Variants in CAMK1D observed in about 807,000 individuals in gnomAD.
CAMK1D encodes the protein calcium/calmodulin-dependent protein kinase type 1D.
CAMK1D carries 9 observed loss-of-function variants against 47.7 expected under a neutral mutation model. That is an observed-to-expected ratio of 0.19 (90% confidence interval 0.11 to 0.33). The LOEUF is 0.33. CAMK1D is among the 10% of genes least tolerant of loss of function. The pLI, the probability that CAMK1D is intolerant of heterozygous loss-of-function variation, is 1.00. For missense variants in CAMK1D, 291 were observed against 488.7 expected, an observed-to-expected ratio of 0.60 and a Z score of 3.81; for synonymous variants, 184 against 184.9, an observed-to-expected ratio of 0.99 and a Z score of 0.04.
chr10:12,694,109 A>T lies in CAMK1D; in HGVS notation c.299+27299A>T, dbSNP rs1310915748. Among the ~76,000 whole-genome samples the T allele has an allele frequency of 8.9e-5, 5 of 55,880 alleles. 1 individual carries two copies. In the South Asian group the frequency reaches 2.0e-3, roughly 22 times the overall value. The allele number at this position is 55,880 out of a possible 152,430, so 36.7% of individuals were successfully genotyped here. On this transcript the variant is annotated intron_variant, in intron 3 of 10. Coordinates refer to ENST00000619168, the MANE Select transcript of CAMK1D (RefSeq NM_153498.4). The stretch of plus-strand genomic sequence containing the variant: ...TATAATATATATTATATAATATATA[A>T]TATATATTATGCATAATATATATTA...
At chr10:12,383,261 A>ATT (rs555841097) in intron 1 of CAMK1D, among the ~76,000 whole-genome samples, 1,832 of 148,014 alleles carry the variant, frequency 0.012, 32 homozygotes, top group African/African-American at 0.034. Flanking sequence ...GATCTTTCCA[A>ATT]TTTTTTTTTT....
In CAMK1D at chr10:12,832,967, A is replaced by T. The variant is rs950701895; in HGVS notation, c.*4080A>T. ...CTAAAAATACAAAAATTAGCTGGGC[A>T]TGGTGGTGCGTGCCTGTAATCCCAG... is the stretch of plus-strand genomic sequence containing the variant. On this transcript the variant is annotated 3_prime_UTR_variant, in exon 11 of 11. Transcript: ENST00000619168. 2 of 152,266 alleles carry T rather than the reference A, an allele frequency of 1.3e-5. No individual in the cohort carries two copies. The highest frequency in any genetic ancestry group is 4.8e-5 in the African/African-American group (2 of 41,396). The allele number at this position is 152,266 out of a possible 1,614,324, so 9.4% of individuals were successfully genotyped here.
At chr10:12,793,388 T>A (rs1173148045) in intron 6 of CAMK1D, among the ~76,000 whole-genome samples, 3 of 152,198 alleles carry the variant, frequency 2.0e-5, no homozygotes, top group Admixed American at 6.5e-5. Flanking sequence ...GGTGGGGCAT[T>A]GGTACAGCTC....
intron 1 of CAMK1D, among the ~76,000 whole-genome samples, chr10:12,361,405 C>T (rs1837658128): frequency 6.6e-6 from 1 of 151,880 alleles, no homozygotes; most frequent in South Asian, 2.1e-4. Context: ...CACCACCACA[C>T]CCAGCTAATT....
chr10:12,591,935 C>T (rs967844096), intron 2 of CAMK1D, among the ~76,000 whole-genome samples: 1 of 152,182 alleles, frequency 6.6e-6, no homozygotes, highest in Admixed American at 6.5e-5. Flanking sequence ...CCTTGTGATC[C>T]ACCCCCTCGG....
chr10:12,503,993 C>T (rs906476043), intron 1 of CAMK1D, among the ~76,000 whole-genome samples: 2 of 152,202 alleles, frequency 1.3e-5, no homozygotes, highest in African/African-American at 2.4e-5. Context: ...CCTGCTTTCC[C>T]GCATCCACTG....
intron 3 of CAMK1D, among the ~76,000 whole-genome samples, chr10:12,689,112 T>C (rs1449422499): frequency 6.6e-6 from 1 of 152,204 alleles, no homozygotes; most frequent in Non-Finnish European, 1.5e-5. Flanking sequence ...TCCTGCTTCA[T>C]ACAACTTGGA....
intron 3 of CAMK1D, among the ~76,000 whole-genome samples, chr10:12,714,456 C>T (rs964432507): frequency 6.6e-6 from 1 of 152,082 alleles, no homozygotes; most frequent in Admixed American, 6.5e-5. Flanking sequence ...TGCGGTGGCT[C>T]ACGCCTGTAA....
intron 3 of CAMK1D, among the ~76,000 whole-genome samples, chr10:12,722,665 G>A (rs1472251733): frequency 6.6e-6 from 1 of 151,934 alleles, no homozygotes; most frequent in African/African-American, 2.4e-5. Flanking sequence ...CTTCCCCTCC[G>A]GCCTACCAAA....
At chr10:12,362,920 A>G (rs1165768248) in intron 1 of CAMK1D, among the ~76,000 whole-genome samples, 2 of 149,398 alleles carry the variant, frequency 1.3e-5, no homozygotes, top group Admixed American at 1.3e-4. Context: ...CTGGGATTAC[A>G]GGCGTGAGCC....
intron 3 of CAMK1D, among the ~76,000 whole-genome samples, chr10:12,693,916 A>G (rs1220582823): frequency 2.7e-5 from 3 of 112,724 alleles, no homozygotes; most frequent in Non-Finnish European, 5.2e-5. Context: ...TATAATATAT[A>G]TAAAAATATA....
At chr10:12,453,698 A>G (rs1833157237) in intron 1 of CAMK1D, among the ~76,000 whole-genome samples, 1 of 152,058 alleles carries the variant, frequency 6.6e-6, no homozygotes, top group Non-Finnish European at 1.5e-5. Flanking sequence ...ATTTTTGGCA[A>G]CCACAACACA....
intron 1 of CAMK1D, among the ~76,000 whole-genome samples, chr10:12,432,437 G>C (rs1832510590): frequency 6.6e-6 from 1 of 151,144 alleles, no homozygotes. Flanking sequence ...ACAAATGAAT[G>C]AGTGAGTACA....
chr10:12,418,915 G>A (rs1257605020), intron 1 of CAMK1D, among the ~76,000 whole-genome samples: 1 of 152,136 alleles, frequency 6.6e-6, no homozygotes, highest in Non-Finnish European at 1.5e-5. Flanking sequence ...GGCCTCAGCC[G>A]AGAGTGGCCA....
rs115567299 is a variant in CAMK1D, at chr10:12,384,369, A to G, written c.92+34459A>G. Among the ~76,000 whole-genome samples the G allele has an allele frequency of 1.2e-3, 177 of 152,302 alleles. 1 individual carries two copies. Among genetic ancestry groups the G allele is most frequent in the Admixed American group, 3.5e-3 (53 of 15,296 alleles). Reference sequence around the variant, plus strand: ...CTGAGATGGTGATCCTAAAATTCATATGGAAATGCAGGGAACCCAAAATAG... The same window carrying G: ...CTGAGATGGTGATCCTAAAATTCATGTGGAAATGCAGGGAACCCAAAATAG... On this transcript the variant is annotated intron_variant, in intron 1 of 10. Transcript: ENST00000619168.
intron 2 of CAMK1D, among the ~76,000 whole-genome samples, chr10:12,627,475 A>C (rs1839254284): frequency 6.6e-6 from 1 of 152,168 alleles, no homozygotes; most frequent in Non-Finnish European, 1.5e-5. Context: ...GCAGATAATC[A>C]TTACCCCAGT....
intron 6 of CAMK1D, among the ~76,000 whole-genome samples, chr10:12,813,300 T>C (rs1832677578): frequency 6.6e-6 from 1 of 152,208 alleles, no homozygotes; most frequent in Non-Finnish European, 1.5e-5. Flanking sequence ...AGTGTGCTGA[T>C]GTGCAGGTTA....
At chr10:12,706,449 C>T (rs140650725) in intron 3 of CAMK1D, among the ~76,000 whole-genome samples, 11 of 152,260 alleles carry the variant, frequency 7.2e-5, no homozygotes, top group Non-Finnish European at 1.6e-4. Flanking sequence ...TGGTGGCTCA[C>T]ACCTGCAATC....
intron 3 of CAMK1D, among the ~76,000 whole-genome samples, chr10:12,718,312 A>G (rs887124074): frequency 6.6e-6 from 1 of 152,220 alleles, no homozygotes; most frequent in Non-Finnish European, 1.5e-5. Context: ...GGTAGAAAAA[A>G]TACCAGAATT....
Sources: gnomAD v4.1 joint callset for allele counts (sites outside exome capture counted in the v4.1 genomes callset) on GRCh38, gnomAD v4.1.1 for gene constraint, MANE v1.5 for transcripts, NCBI Gene and HGNC (gene_info 2026-07-23, HGNC 2026-07-21) for gene names.